The following GIGYF2 variants were observed in gnomAD, a reference collection of about 807,000 sequenced individuals.
GIGYF2 encodes the protein GRB10-interacting GYF protein 2.
A neutral mutation model predicts 208.1 loss-of-function variants in GIGYF2; 25 were observed. The observed-to-expected ratio is 0.12, with a 90% confidence interval of 0.09 to 0.17. The LOEUF (loss-of-function observed/expected upper bound fraction) is 0.17, where lower values mean the gene tolerates loss of function less well. Among genes scored for constraint, GIGYF2 ranks in the 10% least tolerant of loss-of-function variants. GIGYF2 has a pLI of 1.00. For synonymous variants in GIGYF2, 534 were observed against 543.8 expected, an observed-to-expected ratio of 0.98 and a Z score of 0.25; for missense variants, 1,302 against 1,579.4, an observed-to-expected ratio of 0.82 and a Z score of 2.98.
At chr2:232,811,796 A>T (rs183310518) in intron 17 of GIGYF2, among the ~76,000 whole-genome samples, 1 of 152,346 alleles carries the variant, frequency 6.6e-6, no homozygotes, top group Admixed American at 6.5e-5. Context: ...GCTGTTTCAG[A>T]TTATCGTTCA....
chr2:232,736,062 G>C, intron 3 of GIGYF2: 1 of 975,206 alleles, frequency 1.0e-6, no homozygotes. Flanking sequence ...TATTTGAGGA[G>C]TCTTATTAAC....
At chr2:232,856,594 C>T (rs1232017714) in intron 28 of GIGYF2, among the ~76,000 whole-genome samples, 199 bp from the exon 29 acceptor site, 4 of 152,070 alleles carry the variant, frequency 2.6e-5, no homozygotes, top group East Asian at 1.9e-4. Flanking sequence ...TGGGAGTCTA[C>T]GGCATGAGAA....
rs911690721 is a variant in GIGYF2 at position 232,781,564 on chromosome 2, AT to A, written c.533-5577del. On this transcript the variant is annotated intron_variant, in intron 8 of 28. Coordinates refer to ENST00000373563, the MANE Select transcript of GIGYF2 (RefSeq NM_001103146.3). ...TATATTGAAGAAGTTGGTCTTAACC[AT>A]TTTTTTTTCAGGAGCATGCATTTTG... Among the ~76,000 whole-genome samples, 5 of 150,692 alleles carry A rather than the reference AT, an allele frequency of 3.3e-5. No individual in the cohort carries two copies. In the South Asian group the frequency reaches 8.4e-4, roughly 25 times the overall value.
chr2:232,810,238 T>C (rs1052493339), intron 16 of GIGYF2: 1 of 176,872 alleles, frequency 5.7e-6, no homozygotes, highest in Admixed American at 5.6e-5. Context: ...TCTGCCTGCC[T>C]CGCCTCCCAA....
At position 232,760,497 on chromosome 2, in the gene GIGYF2, T is replaced by C; in HGVS notation, c.397T>C (p.Cys133Arg). Residue 133 changes from cysteine (C) to arginine (R), a missense_variant, in exon 7 of 29, where the codon TGT (cysteine) becomes CGT (arginine). This residue lies in a region of GIGYF2 where 189 missense variants were observed against 257.7 expected (regional missense o/e 0.73). Coordinates refer to ENST00000373563, the MANE Select transcript of GIGYF2 (RefSeq NM_001103146.3). ...SRGRGRGRGE[C>R]GFYQRSFDEV... ...ATTTTCAGGCAGAGGCAGAGGTGAA[T>C]GTGGTTTCTACCAAAGAAGTTTTGA... is the stretch of plus-strand genomic sequence containing the variant. The C allele has an allele frequency of 6.2e-7, 1 of 1,612,712 alleles. No homozygotes were observed. The highest frequency in any genetic ancestry group is 8.5e-7 in the Non-Finnish European group (1 of 1,178,862).
intron 12 of GIGYF2, among the ~76,000 whole-genome samples, chr2:232,794,100 T>G (rs1263384386): frequency 1.3e-5 from 2 of 152,190 alleles, no homozygotes; most frequent in Non-Finnish European, 2.9e-5. Flanking sequence ...AAACAAGATT[T>G]CAAAGGGGAA....
intron 3 of GIGYF2, chr2:232,735,913 T>A (rs1697714886): frequency 1.0e-6 from 1 of 984,210 alleles, no homozygotes; most frequent in Admixed American, 6.2e-5. Flanking sequence ...TAATTACTTT[T>A]TCTATTCAAA....
At chr2:232,810,670 TTA>T (rs1700707546) in intron 16 of GIGYF2, 1 of 158,258 alleles carries the variant, frequency 6.3e-6, no homozygotes, top group African/African-American at 2.4e-5. Context: ...TGCTTTTGCC[TTA>T]TGATGGCAGA....
intron 26 of GIGYF2, among the ~76,000 whole-genome samples, chr2:232,847,069 G>A (rs569760868): frequency 5.9e-5 from 9 of 152,172 alleles, no homozygotes; most frequent in Non-Finnish European, 8.8e-5. Flanking sequence ...AGGAAAGAAT[G>A]AATCCCCAAA....
At chr2:232,739,323 G>A (rs927625275) in intron 3 of GIGYF2, among the ~76,000 whole-genome samples, 12 of 140,854 alleles carry the variant, frequency 8.5e-5, no homozygotes, top group African/African-American at 3.0e-4. Flanking sequence ...GTGCCATTGC[G>A]CTCCAGTCTG....
intron 2 of GIGYF2, chr2:232,729,848 G>A (rs1697372075): frequency 5.4e-6 from 4 of 736,542 alleles, no homozygotes; most frequent in Non-Finnish European, 1.0e-5. Context: ...TCTTCCCTTA[G>A]CCTCTTCGTT....
intron 3 of GIGYF2, 106 bp downstream of exon 3, chr2:232,735,344 T>C: frequency 1.3e-6 from 1 of 796,048 alleles, no homozygotes; most frequent in Non-Finnish European, 2.2e-6. Context: ...TTTGAAACTT[T>C]TGCTTTATGT....
chr2:232,844,081 T>TCAG lies in GIGYF2; in HGVS notation c.2937_2939dup (p.Gln984dup), dbSNP rs762375096. The TCAG allele has an allele frequency of 1.9e-6, 3 of 1,609,478 alleles. No homozygotes were observed. The highest frequency in any genetic ancestry group is 1.1e-5 in the South Asian group (1 of 90,680). Reference sequence around the variant, plus strand: ...AGCAGAGGGAGTTGATGAAAGCTCTTCAGCAGCAGCAGCAACAGCAACAGC... The same window carrying TCAG: ...AGCAGAGGGAGTTGATGAAAGCTCTTCAGCAGCAGCAGCAGCAACAGCAACAGC... On this transcript the variant is annotated inframe_insertion, in exon 24 of 29. Coordinates refer to ENST00000373563, the MANE Select transcript of GIGYF2 (RefSeq NM_001103146.3).
At chr2:232,703,980 ACATATGAAC>A (rs1695970783) in intron 2 of GIGYF2, among the ~76,000 whole-genome samples, 1 of 152,258 alleles carries the variant, frequency 6.6e-6, no homozygotes, top group Admixed American at 6.5e-5. Context: ...TCTTGGAGCC[ACATATGAAC>A]TTAGGCTCTA....
At chr2:232,790,438 T>G (rs770502566) in intron 9 of GIGYF2, among the ~76,000 whole-genome samples, 30 of 152,210 alleles carry the variant, frequency 2.0e-4, no homozygotes, top group Non-Finnish European at 2.9e-4. Context: ...GTCCTTTAAA[T>G]GTACTGCATT....
At chr2:232,785,976 G>A (rs994338403) in intron 8 of GIGYF2, among the ~76,000 whole-genome samples, 4 of 152,202 alleles carry the variant, frequency 2.6e-5, no homozygotes, top group Non-Finnish European at 5.9e-5. Context: ...CAACTATTTT[G>A]ATGTGAGATT....
intron 6 of GIGYF2, among the ~76,000 whole-genome samples, chr2:232,757,776 GC>G (rs1054944124): frequency 1.0e-4 from 8 of 80,176 alleles, no homozygotes; most frequent in African/African-American, 1.5e-4. Context: ...AGCACCCCCC[GC>G]CCCCCGCCAT....
At chr2:232,771,826 G>A (rs1486090844) in intron 8 of GIGYF2, among the ~76,000 whole-genome samples, 1 of 152,146 alleles carries the variant, frequency 6.6e-6, no homozygotes, top group Non-Finnish European at 1.5e-5. Flanking sequence ...GTGTTCTTCT[G>A]TGTAAATAAT....
At chr2:232,716,271 T>A (rs1696672519) in intron 2 of GIGYF2, among the ~76,000 whole-genome samples, 1 of 152,198 alleles carries the variant, frequency 6.6e-6, no homozygotes, top group Admixed American at 6.5e-5. Flanking sequence ...CTACATTCTT[T>A]TAGCCTAGTA....
Sources: gnomAD v4.1 joint callset for allele counts (sites outside exome capture counted in the v4.1 genomes callset) on GRCh38, gnomAD v4.1.1 for gene constraint, gnomAD v4.1.1 regional missense constraint, MANE v1.5 for transcripts, NCBI Gene and HGNC (gene_info 2026-07-23, HGNC 2026-07-21) for gene names.